Variants in SHANK1 observed in about 807,000 individuals in gnomAD.
SHANK1 encodes SH3 and multiple ankyrin repeat domains protein 1.
A neutral mutation model predicts 165.6 loss-of-function variants in SHANK1; 35 were observed. That is an observed-to-expected ratio of 0.21 (90% confidence interval 0.16 to 0.28). The LOEUF (loss-of-function observed/expected upper bound fraction) is 0.28. Ranked by LOEUF, SHANK1 falls within the 10% of genes least tolerant of loss-of-function variation. SHANK1 has a pLI of 1.00. For missense variants in SHANK1, 2,681 were observed against 3,036.4 expected (o/e 0.88, Z 2.75); for synonymous variants, 1,428 against 1,384.8 (o/e 1.03, Z -0.69).
intron 8 of SHANK1, among the ~76,000 whole-genome samples, chr19:50,704,744 A>C (rs149616701): frequency 7.8e-4 from 119 of 152,358 alleles, no homozygotes; most frequent in African/African-American, 2.8e-3. Context: ...CTGGATTTCA[A>C]GGATATGCCA....
chr19:50,696,879 G>A (rs1205145765), intron 15 of SHANK1, among the ~76,000 whole-genome samples: 1 of 152,134 alleles, frequency 6.6e-6, no homozygotes, highest in Non-Finnish European at 1.5e-5. Context: ...AAAGGCACCA[G>A]TATATACAGA....
intron 15 of SHANK1, 81 bp from the exon 16 acceptor site, chr19:50,689,360 C>A: frequency 9.5e-7 from 1 of 1,050,720 alleles, no homozygotes; most frequent in Non-Finnish European, 1.5e-6. Flanking sequence ...GTCCCCCACC[C>A]GGCAACCCAG....
At chr19:50,694,019 CCACA>C (rs398034977) in intron 15 of SHANK1, among the ~76,000 whole-genome samples, 43,983 of 138,354 alleles carry the variant, frequency 0.32, 7,047 homozygotes, top group Middle Eastern at 0.46. Flanking sequence ...CCAGCACACA[CCACA>C]CACACACACA....
chr19:50,661,476 AGGG>A lies in SHANK1; in HGVS notation c.*486_*488del, dbSNP rs1985217755. The stretch of plus-strand genomic sequence containing the variant: ...GTGCAACGGAGCGTGCAAGAGGCTG[AGGG>A]GGGCAGCTGTGTGTGCTGGGGAGAG... On this transcript the variant is annotated 3_prime_UTR_variant, in exon 24 of 24. Transcript: ENST00000293441. Among the ~76,000 whole-genome samples the A allele has an allele frequency of 1.7e-5, 1 of 60,258 alleles. No homozygotes were observed. Among genetic ancestry groups the A allele is most frequent in the African/African-American group, 6.7e-5 (1 of 14,960 alleles). The allele number at this position is 60,258 out of a possible 152,430, so 39.5% of individuals were successfully genotyped here. A position where few individuals can be genotyped will look rare whatever the true frequency, so the allele number is the denominator to read the frequency against.
chr19:50,695,109 G>C (rs1269727086), intron 15 of SHANK1, among the ~76,000 whole-genome samples: 1 of 145,708 alleles, frequency 6.9e-6, no homozygotes, highest in Non-Finnish European at 1.5e-5. Flanking sequence ...CCGCCGCCGC[G>C]TCCCCGTACC....
rs137945297 is a variant in SHANK1 at position 50,683,083 on chromosome 19, C to T, written c.2577+3154G>A. ...CTAAGCTCCAGGGATCAGCCAGCCT[C>T]AGCCTTCCAAAGTGCTGGGATTATA... On this transcript the variant is annotated intron_variant, in intron 21 of 23. Transcript: ENST00000293441. 2.0e-3 allele frequency among the ~76,000 whole-genome samples: 311 copies of T among 152,222 alleles called. 2 individuals carry two copies. The highest frequency in any genetic ancestry group is 7.1e-3 in the African/African-American group (294 of 41,510).
At chr19:50,715,636 A>T (rs1425363009) in intron 4 of SHANK1, 23 bp downstream of exon 4, 2 of 1,610,898 alleles carry the variant, frequency 1.2e-6, no homozygotes, top group African/African-American at 2.7e-5. Flanking sequence ...TATAGGGGAT[A>T]GATGCCAGCA....
chr19:50,689,493 C>T (rs1366635505), intron 15 of SHANK1: 5 of 681,532 alleles, frequency 7.3e-6, no homozygotes, highest in Non-Finnish European at 1.3e-5. Flanking sequence ...TCTCTCACTC[C>T]CTCTCTCCTC....
At position 50,686,441 on chromosome 19, in the gene SHANK1, C is replaced by T; in HGVS notation, c.2459-86G>A. ...GGCCGCAAAGACCAGAGCTGCCGCC[C>T]GCAGTTCATCCAGCACCTGGATCAA... On this transcript the variant is annotated intron_variant, in intron 20 of 23. Coordinates refer to ENST00000293441, the MANE Select transcript of SHANK1 (RefSeq NM_016148.5). The surrounding 1 kb of genome is among the most constrained non-coding windows in gnomAD (Gnocchi z 5.7). 1 of 982,842 alleles carries T rather than the reference C, an allele frequency of 1.0e-6. No individual in the cohort carries two copies. Among genetic ancestry groups the T allele is most frequent in the Non-Finnish European group, 1.5e-6 (1 of 648,704 alleles). 60.9% of individuals were successfully genotyped at this position (982,842 alleles called of 1,614,324 possible). A position where few individuals can be genotyped will look rare whatever the true frequency, so the allele number is the denominator to read the frequency against.
chr19:50,663,064 T>C (rs1446226028), intron 23 of SHANK1: 2 of 285,090 alleles, frequency 7.0e-6, no homozygotes, highest in Non-Finnish European at 1.3e-5. Context: ...CAGGTTACTA[T>C]TATTATCAGC....
chr19:50,659,299 G>C lies in SHANK1; in HGVS notation c.*2666C>G. ...GAGTTTAATTATAAAGAATGACCTG[G>C]TACAAAAGCCATTTCTCTCTGCAAA... On this transcript the variant is annotated 3_prime_UTR_variant, in exon 24 of 24. Coordinates refer to ENST00000293441, the MANE Select transcript of SHANK1 (RefSeq NM_016148.5). 2 of 563,434 alleles carry C rather than the reference G, an allele frequency of 3.5e-6. No homozygotes were observed. The highest frequency in any genetic ancestry group is 1.6e-4 in the South Asian group (2 of 12,686). The allele number at this position is 563,434 out of a possible 1,614,324, so 34.9% of individuals were successfully genotyped here. A position where few individuals can be genotyped will look rare whatever the true frequency, so the allele number is the denominator to read the frequency against.
chr19:50,668,123 GC>G lies in SHANK1; in HGVS notation c.3836del (p.Gly1279AlafsTer64). 6.8e-7 allele frequency: 1 copy of G among 1,475,340 alleles called. No individual in the cohort carries two copies. The highest frequency in any genetic ancestry group is 8.9e-7 in the Non-Finnish European group (1 of 1,119,192). The allele number at this position is 1,475,340 out of a possible 1,614,324, so 91.4% of individuals were successfully genotyped here. A position where few individuals can be genotyped will look rare whatever the true frequency, so the allele number is the denominator to read the frequency against. ...TGGATTTGGAGTGGCGCAGCCGCGG[GC>G]CCGGGGCCGCCCCTGTGCCCAGCCC... is the stretch of plus-strand genomic sequence containing the variant. Reference protein sequence around the residue: ...DGGLGTGAAPGPRLRHSKSID... With the variant: ...DGGLGTGAAPXPRLRHSKSID... On this transcript the variant is annotated frameshift_variant, in exon 23 of 24. Coordinates refer to ENST00000293441, the MANE Select transcript of SHANK1 (RefSeq NM_016148.5). LOFTEE classifies it high-confidence loss of function.
intron 23 of SHANK1, among the ~76,000 whole-genome samples, chr19:50,663,901 T>C (rs1249630371): frequency 1.3e-5 from 2 of 149,570 alleles, no homozygotes; most frequent in Non-Finnish European, 3.0e-5. Context: ...GCTCTAATAA[T>C]ATACACTTCC....
intron 23 of SHANK1, among the ~76,000 whole-genome samples, chr19:50,663,940 C>CTTTTTTTTTTTTTTTTT (rs3087079): frequency 9.2e-6 from 1 of 108,936 alleles, no homozygotes; most frequent in Non-Finnish European, 1.7e-5. Flanking sequence ...CTCTCTCTCT[C>CTTTTTTTTTTTTTTTTT]TTTTTTTTTT....
rs754344810 is a variant in SHANK1, at chr19:50,669,275, T to A, written c.2685A>T (p.Glu895Asp). 3.1e-6 allele frequency: 5 copies of A among 1,609,386 alleles called. No individual in the cohort carries two copies. The change falls in exon 23 of 24, where the codon GAA (glutamate) becomes GAT (aspartate). Residue 895 changes from glutamate to aspartate, a missense_variant. By Grantham distance (45) the Glu-to-Asp change is conservative (BLOSUM62 2). This residue lies in a region of SHANK1 where 206 missense variants were observed against 216.0 expected (regional missense o/e 0.95). Transcript: ENST00000293441. Reference protein sequence around the residue: ...MLRQKSIGAAEDDRPYLAPPA... With the variant: ...MLRQKSIGAADDDRPYLAPPA... ...GGGGTGCTAGGTAAGGTCTGTCATC[T>A]TCTGCCGCACCTGGGGAGATACAGA...
At position 50,716,787 on chromosome 19, in the gene SHANK1, T is replaced by A; in HGVS notation, c.133A>T (p.Ser45Cys). The A allele has an allele frequency of 6.2e-7, 1 of 1,603,294 alleles. No homozygotes were observed. The highest frequency in any genetic ancestry group is 8.5e-7 in the Non-Finnish European group (1 of 1,175,600). ...GAGGCCAGGCTACCAGGTGCCCCAC[T>A]GCCCTGGCCCCGGGTCCCCCGGGGG... The part of the protein sequence containing the change: ...RGPRGTRGQG[S>C]GAPGSLASVR... The change falls in exon 2 of 24, where the codon AGT becomes TGT. Residue 45 changes from serine (S) to cysteine (C), a missense_variant. Coordinates refer to ENST00000293441, the MANE Select transcript of SHANK1 (RefSeq NM_016148.5). The surrounding 1 kb of genome is among the most constrained non-coding windows in gnomAD (Gnocchi z 8.4).
intron 22 of SHANK1, 130 bp from the exon 23 acceptor site, chr19:50,669,415 A>ACTCGCCCAGCTCTTCC: frequency 6.1e-6 from 4 of 658,192 alleles, no homozygotes; most frequent in Non-Finnish European, 1.1e-5. Flanking sequence ...CTTCACGTGG[A>ACTCGCCCAGCTCTTCC]CTCGCCCAGC....
Position 50,712,023 on chromosome 19 carries a change from C to T in SHANK1, c.884G>A (p.Arg295Gln), listed in dbSNP as rs1830834758. The change falls in exon 7 of 24, where the codon CGA becomes CAA. Residue 295 changes from arginine (R) to glutamine (Q), a missense_variant. Transcript: ENST00000293441. ...GTTGAACAGGAGCAGCTCGCAGCAT[C>T]GGGGGTCACCACCCACCATGGCCGT... ...FHTAMVGGDPRCCELLLFNRA... is the reference protein window; with the variant it reads ...FHTAMVGGDPQCCELLLFNRA... The T allele has an allele frequency of 7.4e-6, 12 of 1,614,000 alleles. No homozygotes were observed. Among genetic ancestry groups the T allele is most frequent in the Admixed American group, 5.0e-5 (3 of 60,016 alleles).
In SHANK1 at chr19:50,673,426, G is replaced by C. The variant is rs571998697; in HGVS notation, c.2578-1312C>G. Among the ~76,000 whole-genome samples, 15 of 152,134 alleles carry C rather than the reference G, an allele frequency of 9.9e-5. No homozygotes were observed. In the East Asian group the frequency reaches 2.9e-3, roughly 29 times the overall value. On this transcript the variant is annotated intron_variant, in intron 21 of 23. Transcript: ENST00000293441. Reference sequence around the variant, plus strand: ...GTCAGCCCCAGGTCTACCCTCATTGGAGAACACCTGCGAGCCCTGGTTCTC... The same window carrying C: ...GTCAGCCCCAGGTCTACCCTCATTGCAGAACACCTGCGAGCCCTGGTTCTC...
Sources: gnomAD v4.1 joint callset for allele counts (sites outside exome capture counted in the v4.1 genomes callset) on GRCh38, gnomAD v4.1.1 for gene constraint, gnomAD v4.1.1 regional missense constraint, Gnocchi (gnomAD v3.1) non-coding constraint, MANE v1.5 for transcripts, NCBI Gene and HGNC (gene_info 2026-07-23, HGNC 2026-07-21) for gene names.